The following DLEC1 variants were observed in gnomAD, a reference collection of about 807,000 sequenced individuals.
The protein encoded by DLEC1 is deleted in lung and esophageal cancer protein 1.
In DLEC1, 146 loss-of-function variants were observed where a neutral mutation model predicts 198.1. The observed-to-expected ratio is 0.74, with a 90% CI of 0.64 to 0.85. The LOEUF is 0.85. Among genes scored for constraint, DLEC1 ranks in the 40% least tolerant of loss-of-function variants. DLEC1 has a pLI of 0.00. For missense variants in DLEC1, 2,233 were observed against 2,220.0 expected, an observed-to-expected ratio of 1.01 and a Z score of -0.12; for synonymous variants, 897 against 866.8, an observed-to-expected ratio of 1.03 and a Z score of -0.61.
chr3:38,095,139 C>A, intron 13 of DLEC1, 68 bp downstream of exon 13: 1 of 1,566,752 alleles, frequency 6.4e-7, no homozygotes. Context: ...CACCTGTGTT[C>A]CTCAATCACA....
At chr3:38,095,695 G>A (rs1037525830) in intron 13 of DLEC1, 193 bp from the exon 14 acceptor site, 11 of 628,150 alleles carry the variant, frequency 1.8e-5, no homozygotes, top group African/African-American at 1.3e-4. Context: ...CCTGAGTCCT[G>A]GCTCATGTTC....
Position 38,063,928 on chromosome 3 carries a change from C to G in DLEC1, c.1173+9C>G, listed in dbSNP as rs1430155179. ...TTGGTCCAGTTTATGAGGTAGACATCTTGTTTCTTTACAGCTCCCACCCCA... is the reference window on the plus strand; with the variant it reads ...TTGGTCCAGTTTATGAGGTAGACATGTTGTTTCTTTACAGCTCCCACCCCA... On this transcript the variant is annotated intron_variant, in intron 6 of 36. Transcript: ENST00000308059. 2 of 1,593,632 alleles carry G rather than the reference C, an allele frequency of 1.3e-6. No individual in the cohort carries two copies. Among genetic ancestry groups the G allele is most frequent in the Non-Finnish European group, 1.7e-6 (2 of 1,166,586 alleles).
At chr3:38,121,857 CCT>C (rs1443801981) in intron 35 of DLEC1, 76 bp downstream of exon 35, 1 of 1,560,494 alleles carries the variant, frequency 6.4e-7, no homozygotes, top group Non-Finnish European at 8.7e-7. Flanking sequence ...GGAAGGGGCC[CCT>C]GTGCGCCGTC....
intron 6 of DLEC1, among the ~76,000 whole-genome samples, chr3:38,077,823 G>C (rs1223687509): frequency 6.6e-6 from 1 of 152,130 alleles, no homozygotes; most frequent in African/African-American, 2.4e-5. Flanking sequence ...CTTCAAGCTT[G>C]ATGTGTAGGG....
intron 10 of DLEC1, among the ~76,000 whole-genome samples, chr3:38,091,166 A>G (rs1338448743): frequency 6.6e-6 from 1 of 152,206 alleles, no homozygotes; most frequent in South Asian, 2.1e-4. Context: ...ATATGATCTC[A>G]AAAGCACTGG....
chr3:38,099,215 A>G (rs893681455), intron 18 of DLEC1, among the ~76,000 whole-genome samples: 1 of 152,076 alleles, frequency 6.6e-6, no homozygotes, highest in Non-Finnish European at 1.5e-5. Context: ...GGGATTTTCC[A>G]GAGCACAGTT....
At chr3:38,086,931 G>A (rs1211351297) in intron 9 of DLEC1, among the ~76,000 whole-genome samples, 1 of 152,114 alleles carries the variant, frequency 6.6e-6, no homozygotes, top group Non-Finnish European at 1.5e-5. Flanking sequence ...AAAATTAGCC[G>A]GGTGTGGTGG....
chr3:38,122,594 G>A lies in DLEC1; in HGVS notation c.*182G>A, dbSNP rs757125470. On this transcript the variant is annotated 3_prime_UTR_variant, in exon 37 of 37. Transcript: ENST00000308059. ...CCTAGGCCCTCATGATATGTCCTCA[G>A]AGCTAACATAAAGGACAGGCCACAC... 1.9e-6 allele frequency: 3 copies of A among 1,583,696 alleles called. No homozygotes were observed. Among genetic ancestry groups the A allele is most frequent in the Non-Finnish European group, 2.6e-6 (3 of 1,168,442 alleles).
chr3:38,084,527 A>G (rs1575171687), intron 7 of DLEC1, among the ~76,000 whole-genome samples: 1 of 148,528 alleles, frequency 6.7e-6, no homozygotes, highest in South Asian at 2.1e-4. Flanking sequence ...TGGTAGTAGT[A>G]GTAGTGGTGG....
chr3:38,097,334 C>A (rs1031299558), intron 16 of DLEC1, 59 bp downstream of exon 16: 99 of 1,548,168 alleles, frequency 6.4e-5, no homozygotes, highest in Non-Finnish European at 1.5e-5. Flanking sequence ...AGGAAGAAAT[C>A]TTCAGAGTTA....
Position 38,084,215 on chromosome 3 carries a change from C to T in DLEC1, c.1231C>T (p.Pro411Ser). The change falls in exon 7 of 37, where the codon CCT (proline) becomes TCT (serine). Residue 411 changes from proline to serine, a missense_variant. Physicochemically the swap from Pro to Ser is moderately conservative, Grantham distance 74. Coordinates refer to ENST00000308059, the MANE Select transcript of DLEC1 (RefSeq NM_007335.4). Reference sequence around the variant, plus strand: ...CAGCCGCTACCTGCGAGTCCTCCCGCCTTCCACGCCATACTTCGCTCTGGG... The same window carrying T: ...CAGCCGCTACCTGCGAGTCCTCCCGTCTTCCACGCCATACTTCGCTCTGGG... ...TTSRYLRVLP[P>S]STPYFALGLG... is the part of the protein sequence containing the mutation. 6.2e-7 allele frequency: 1 copy of T among 1,612,840 alleles called. No homozygotes were observed. Among genetic ancestry groups the T allele is most frequent in the Non-Finnish European group, 8.5e-7 (1 of 1,179,278 alleles).
intron 1 of DLEC1, among the ~76,000 whole-genome samples, chr3:38,040,011 C>A (rs1399693986): frequency 6.6e-6 from 1 of 152,194 alleles, no homozygotes; most frequent in Admixed American, 6.5e-5. Context: ...AAACCACAAT[C>A]TTGACTGGGC....
chr3:38,109,652 C>G (rs1182713477), intron 22 of DLEC1, 90 bp downstream of exon 22: 1 of 1,577,450 alleles, frequency 6.3e-7, no homozygotes, highest in East Asian at 2.2e-5. Context: ...TGGTATCAGT[C>G]TGCGCCCATC....
At chr3:38,066,891 GA>G (rs1697058439) in intron 6 of DLEC1, among the ~76,000 whole-genome samples, 1 of 152,214 alleles carries the variant, frequency 6.6e-6, no homozygotes, top group African/African-American at 2.4e-5. Flanking sequence ...CTGTGTCTGG[GA>G]CTTCTGTGTC....
At position 38,115,067 on chromosome 3, in the gene DLEC1, G is replaced by GA. The variant is rs1700081707; in HGVS notation, c.3856+15dup. On this transcript the variant is annotated intron_variant, in intron 27 of 36. Coordinates refer to ENST00000308059, the MANE Select transcript of DLEC1 (RefSeq NM_007335.4). ...CCAGCCCCTGTGGTAAGACATGCAT[G>GA]AGAGAAGTCAGTGTTCTTGCCACAG... The GA allele has an allele frequency of 6.2e-7, 1 of 1,613,700 alleles. No individual in the cohort carries two copies. The highest frequency in any genetic ancestry group is 8.5e-7 in the Non-Finnish European group (1 of 1,179,780).
At chr3:38,121,875 A>G in intron 35 of DLEC1, 94 bp downstream of exon 35, 1 of 1,531,438 alleles carries the variant, frequency 6.5e-7, no homozygotes, top group Non-Finnish European at 8.8e-7. Context: ...CCGTCCCTGC[A>G]TGCTGGCTCC....
intron 2 of DLEC1, 99 bp downstream of exon 2, chr3:38,045,792 T>C: frequency 7.9e-7 from 1 of 1,268,512 alleles, no homozygotes; most frequent in Non-Finnish European, 1.1e-6. Context: ...TTTCTGGATA[T>C]TTGGAGAGCA....
intron 22 of DLEC1, 151 bp downstream of exon 22, chr3:38,109,713 C>A: frequency 7.6e-7 from 1 of 1,312,426 alleles, no homozygotes; most frequent in Non-Finnish European, 1.0e-6. Context: ...CCACTCACCA[C>A]TCCTGTGGGG....
At chr3:38,114,212 A>G (rs916771866) in intron 25 of DLEC1, 130 bp from the exon 26 acceptor site, 16 of 721,432 alleles carry the variant, frequency 2.2e-5, no homozygotes, top group African/African-American at 3.5e-5. Context: ...GAGAAGACAG[A>G]GTGGTACACA....
Sources: gnomAD v4.1 joint callset for allele counts (sites outside exome capture counted in the v4.1 genomes callset) on GRCh38, gnomAD v4.1.1 for gene constraint, MANE v1.5 for transcripts, NCBI Gene and HGNC (gene_info 2026-07-23, HGNC 2026-07-21) for gene names.